ADGRF1: variants seen among roughly 807,000 people sequenced by gnomAD.
ADGRF1 encodes the protein G protein-coupled receptor 110.
A neutral mutation model predicts 87.2 loss-of-function variants in ADGRF1; 85 were observed. The ratio of observed to expected loss-of-function variants is 0.97; its 90% CI spans 0.82 to 1.17. ADGRF1 has a LOEUF of 1.17. ADGRF1 is among the 50% of genes most tolerant of loss of function. The pLI is 0.00. For missense variants in ADGRF1, 1,169 were observed against 1,077.2 expected (o/e 1.09, Z -1.19); for synonymous variants, 430 against 408.8 (o/e 1.05, Z -0.63).
In ADGRF1 at chr6:47,025,961, C is replaced by A; in HGVS notation, c.170G>T (p.Arg57Ile). 6.2e-7 allele frequency: 1 copy of A among 1,610,262 alleles called. No homozygotes were observed. Among genetic ancestry groups the A allele is most frequent in the South Asian group, 1.1e-5 (1 of 90,854 alleles). ...CAAATCTCTTTTCTCCTTGGAATCTCTATAGGTCACCTGAAGCAGCAGCTG... is the reference window on the plus strand; with the variant it reads ...CAAATCTCTTTTCTCCTTGGAATCTATATAGGTCACCTGAAGCAGCAGCTG... Reference protein sequence around the residue: ...EYQLLLQVTYRDSKEKRDLRN... With the variant: ...EYQLLLQVTYIDSKEKRDLRN... Residue 57 changes from arginine (R) to isoleucine (I), a missense_variant, in exon 4 of 15, where the codon AGA (arginine) becomes ATA (isoleucine). Coordinates refer to ENST00000371253, the MANE Select transcript of ADGRF1 (RefSeq NM_153840.4).
chr6:47,036,907 G>A (rs1780604507), intron 1 of ADGRF1, among the ~76,000 whole-genome samples: 1 of 152,182 alleles, frequency 6.6e-6, no homozygotes, highest in South Asian at 2.1e-4. Context: ...GATCATAGCA[G>A]TTTTGAACTC....
chr6:47,012,826 G>T, intron 9 of ADGRF1: 6 of 948,418 alleles, frequency 6.3e-6, no homozygotes, highest in Non-Finnish European at 7.5e-6. Flanking sequence ...CTGGAGTGCG[G>T]TGGCATGATC....
Position 47,025,723 on chromosome 6 carries a change from G to A in ADGRF1, c.277+131C>T, listed in dbSNP as rs970695404. The A allele has an allele frequency of 8.1e-6, 7 of 859,342 alleles. No individual in the cohort carries two copies. The Admixed American group carries it at 1.2e-4, about 15-fold the overall frequency. The allele number at this position is 859,342 out of a possible 1,614,324, so 53.2% of individuals were successfully genotyped here. On this transcript the variant is annotated intron_variant, in intron 4 of 14. Coordinates refer to ENST00000371253, the MANE Select transcript of ADGRF1 (RefSeq NM_153840.4). ...TGCAATGGACATGTAGCATGAAGAAGATATAAAGCATTTATTCTTTTAAAT... is the reference window on the plus strand; with the variant it reads ...TGCAATGGACATGTAGCATGAAGAAAATATAAAGCATTTATTCTTTTAAAT...
At chr6:47,037,801 C>T (rs963242435) in intron 1 of ADGRF1, among the ~76,000 whole-genome samples, 8 of 152,134 alleles carry the variant, frequency 5.3e-5, no homozygotes, top group African/African-American at 1.2e-4. Flanking sequence ...GTATGAGCCA[C>T]GACACTCAGC....
At chr6:47,012,810 G>A in intron 9 of ADGRF1, 1 of 977,676 alleles carries the variant, frequency 1.0e-6, no homozygotes, top group Non-Finnish European at 1.2e-6. Context: ...TGCTCTGTCA[G>A]CCAGGCTGGA....
intron 12 of ADGRF1, among the ~76,000 whole-genome samples, chr6:47,006,370 C>A (rs1453693790): frequency 6.6e-6 from 1 of 152,118 alleles, no homozygotes; most frequent in African/African-American, 2.4e-5. Flanking sequence ...CCTCTCCCAA[C>A]AGAATTGTTT....
At position 47,012,062 on chromosome 6, in the gene ADGRF1, T is replaced by G. The variant is rs753297536; in HGVS notation, c.1061A>C (p.Asn354Thr). 1 of 1,614,054 alleles carries G rather than the reference T, an allele frequency of 6.2e-7. No homozygotes were observed. ...GCTGGCCAGTGACAGAGATGAAATA[T>G]TGCTCAGAATCGACACCACCGAAGC... ...NLASVVSILSNISSLSLASHF... is the reference protein window; with the variant it reads ...NLASVVSILSTISSLSLASHF... Residue 354 changes from asparagine to threonine, a missense_variant, in exon 10 of 15, where the codon AAT becomes ACT. Coordinates refer to ENST00000371253, the MANE Select transcript of ADGRF1 (RefSeq NM_153840.4).
intron 12 of ADGRF1, among the ~76,000 whole-genome samples, 172 bp downstream of exon 12, chr6:47,007,081 T>C (rs1054205089): frequency 6.6e-6 from 1 of 152,202 alleles, no homozygotes. Context: ...CAGCAGTGAC[T>C]GTTTAGTTCC....
chr6:47,011,832 C>T (rs1268405167), intron 10 of ADGRF1, among the ~76,000 whole-genome samples, 175 bp downstream of exon 10: 2 of 152,226 alleles, frequency 1.3e-5, no homozygotes, highest in African/African-American at 4.8e-5. Flanking sequence ...TTCCTTTGAA[C>T]ACACACTATT....
chr6:47,023,866 A>T (rs1159460279), intron 5 of ADGRF1, among the ~76,000 whole-genome samples, 178 bp downstream of exon 5: 1 of 152,102 alleles, frequency 6.6e-6, no homozygotes. Flanking sequence ...GTGTTTCTGG[A>T]TCTTCTGTAC....
intron 5 of ADGRF1, among the ~76,000 whole-genome samples, chr6:47,022,760 A>C (rs1281831364): frequency 1.3e-5 from 2 of 150,586 alleles, no homozygotes; most frequent in African/African-American, 4.9e-5. Context: ...AAGATGGATT[A>C]GACATGGACC....
rs1263812769 is a variant in ADGRF1, at chr6:47,019,683, C to A, written c.611+1048G>T. On this transcript the variant is annotated intron_variant, in intron 7 of 14. Coordinates refer to ENST00000371253, the MANE Select transcript of ADGRF1 (RefSeq NM_153840.4). ...TAGGCGACAGAGCGAGACTCCATCT[C>A]AAAAAAAAAAAAAAAAGAAAAGAAA... 16 of 602,856 alleles carry A rather than the reference C, an allele frequency of 2.7e-5. No individual in the cohort carries two copies. In the African/African-American group the frequency reaches 3.6e-4, roughly 14 times the overall value. 37.3% of individuals were successfully genotyped at this position (602,856 alleles called of 1,614,324 possible).
chr6:47,010,298 G>T lies in ADGRF1; in HGVS notation c.1137C>A (p.Asp379Glu). ...STMEDVISIA[D>E]NILNSASVTN... is the part of the protein sequence containing the mutation. ...TTACTGAGGCTGAATTAAGGATATT[G>T]TCAGCTATACTGATGACATCCTGAA... The change falls in exon 11 of 15, where the codon GAC becomes GAA. Residue 379 changes from aspartate to glutamate, a missense_variant. Physicochemically the swap from Asp to Glu is conservative, Grantham distance 45 (BLOSUM62 2). Coordinates refer to ENST00000371253, the MANE Select transcript of ADGRF1 (RefSeq NM_153840.4). 6.2e-7 allele frequency: 1 copy of T among 1,610,520 alleles called. No homozygotes were observed. The highest frequency in any genetic ancestry group is 1.1e-5 in the South Asian group (1 of 90,372).
In ADGRF1 at chr6:47,009,757, T is replaced by C. The variant is rs146121345; in HGVS notation, c.1678A>G (p.Thr560Ala). 4.3e-6 allele frequency: 7 copies of C among 1,614,072 alleles called. No individual in the cohort carries two copies. Among genetic ancestry groups the C allele is most frequent in the Admixed American group, 1.7e-5 (1 of 60,000 alleles). Residue 560 changes from threonine (T) to alanine (A), a missense_variant, in exon 11 of 15, where the codon ACG becomes GCG. Thr to Ala is a moderately conservative substitution (Grantham distance 58, BLOSUM62 0). Transcript: ENST00000371253. ...GAGGTCAAGTGAGTACATTGGCACG[T>C]CACGATGTCTTGAGTTTCATTCACT... ...HLVNETQDIV[T>A]CQCTHLTSFS... is the part of the protein sequence containing the mutation.
At chr6:47,037,094 A>T (rs1780608515) in intron 1 of ADGRF1, among the ~76,000 whole-genome samples, 1 of 152,192 alleles carries the variant, frequency 6.6e-6, no homozygotes, top group South Asian at 2.1e-4. Flanking sequence ...ACCTGTACCC[A>T]TTTATACTCA....
chr6:47,020,914 C>A, intron 6 of ADGRF1, 125 bp from the exon 7 acceptor site: 1 of 708,416 alleles, frequency 1.4e-6, no homozygotes, highest in South Asian at 1.6e-5. Context: ...AAAAGAGACA[C>A]AGTGGGAAGT....
intron 12 of ADGRF1, among the ~76,000 whole-genome samples, chr6:47,006,225 A>G (rs1779523374): frequency 6.6e-6 from 1 of 152,122 alleles, no homozygotes. Flanking sequence ...AAGAACAGCA[A>G]ATTGCTTCTT....
intron 13 of ADGRF1, among the ~76,000 whole-genome samples, chr6:47,005,591 C>T (rs1779501798): frequency 1.3e-5 from 2 of 152,180 alleles, no homozygotes; most frequent in African/African-American, 4.8e-5. Context: ...ACTTGAGCAT[C>T]CTTGTAAGTT....
intron 12 of ADGRF1, among the ~76,000 whole-genome samples, chr6:47,006,685 C>A (rs1007121483): frequency 6.6e-6 from 1 of 152,136 alleles, no homozygotes. Context: ...CCTTCCCACC[C>A]TTTTCCCCTG....
Sources: gnomAD v4.1 joint callset for allele counts (sites outside exome capture counted in the v4.1 genomes callset) on GRCh38, gnomAD v4.1.1 for gene constraint, MANE v1.5 for transcripts, NCBI Gene and HGNC (gene_info 2026-07-23, HGNC 2026-07-21) for gene names.